TBCE: variants seen among roughly 807,000 people sequenced by gnomAD.
TBCE encodes tubulin-specific chaperone E.
Under a neutral mutation model 77.0 loss-of-function variants are expected in TBCE, and 53 were observed. The ratio of observed to expected loss-of-function variants is 0.69; its 90% CI spans 0.55 to 0.87. The LOEUF is 0.87. TBCE is among the 40% of genes least tolerant of loss of function. TBCE has a pLI of 0.00. For missense variants in TBCE, 624 were observed against 622.4 expected (o/e 1.00, Z -0.03); for synonymous variants, 235 against 241.3 (o/e 0.97, Z 0.24).
At chr1:235,375,228 T>C (rs1281797648) in intron 1 of TBCE, among the ~76,000 whole-genome samples, 1 of 151,168 alleles carries the variant, frequency 6.6e-6, no homozygotes. Flanking sequence ...CCTAGAGATG[T>C]AGATTTCATC....
At chr1:235,393,470 G>A (rs1678526468) in intron 2 of TBCE, among the ~76,000 whole-genome samples, 1 of 152,128 alleles carries the variant, frequency 6.6e-6, no homozygotes, top group Non-Finnish European at 1.5e-5. Flanking sequence ...CCCAGGAGGT[G>A]GAGGTTGCGG....
rs1049709680 is a variant in TBCE, at chr1:235,429,653, C to T, written c.561-1052C>T. 8 of 151,862 alleles carry T rather than the reference C, an allele frequency of 5.3e-5. No homozygotes were observed. The East Asian group carries it at 1.3e-3, about 26-fold the overall frequency. 9.4% of individuals were successfully genotyped at this position (151,862 alleles called of 1,614,324 possible). On this transcript the variant is annotated intron_variant, in intron 6 of 16. Coordinates refer to ENST00000642610, the MANE Select transcript of TBCE (RefSeq NM_003193.5). ...TTTACTAATGTCACACTTTTCTAGG[C>T]CTTCCTGAATATTTAATTTGTTTTA...
chr1:235,398,396 T>G (rs989371487), intron 2 of TBCE, among the ~76,000 whole-genome samples: 1 of 152,016 alleles, frequency 6.6e-6, no homozygotes, highest in Admixed American at 6.6e-5. Flanking sequence ...TCCACCTGAC[T>G]TGGCCTCCAT....
intron 7 of TBCE, chr1:235,433,106 A>G: frequency 6.6e-7 from 1 of 1,516,700 alleles, no homozygotes; most frequent in Non-Finnish European, 8.8e-7. Flanking sequence ...AAGGCCAGTG[A>G]GGTCACGGGC....
chr1:235,403,398 G>A (rs761090165), intron 3 of TBCE, among the ~76,000 whole-genome samples: 2 of 152,022 alleles, frequency 1.3e-5, no homozygotes, highest in African/African-American at 4.8e-5. Flanking sequence ...TAGTAGAGAC[G>A]GGGATTTCAC....
At chr1:235,447,610 A>G (rs1159461185) in intron 15 of TBCE, among the ~76,000 whole-genome samples, 1 of 152,218 alleles carries the variant, frequency 6.6e-6, no homozygotes. Context: ...AACTAAGGCC[A>G]GAGTTGAGAG....
rs754505559 is a variant in TBCE at position 235,401,598 on chromosome 1, A to G, written c.185+11A>G. Reference sequence around the variant, plus strand: ...GTATTTTAAATGCAGGTAACTTTTCATTATGAATCAGCACGGTCATTTAGT... The same window carrying G: ...GTATTTTAAATGCAGGTAACTTTTCGTTATGAATCAGCACGGTCATTTAGT... On this transcript the variant is annotated intron_variant, in intron 3 of 16. Transcript: ENST00000642610. 1 of 1,604,134 alleles carries G rather than the reference A, an allele frequency of 6.2e-7. No individual in the cohort carries two copies. Among genetic ancestry groups the G allele is most frequent in the Non-Finnish European group, 8.5e-7 (1 of 1,171,180 alleles).
intron 1 of TBCE, among the ~76,000 whole-genome samples, chr1:235,370,249 ATTC>A (rs1676824220): frequency 1.5e-5 from 2 of 134,874 alleles, no homozygotes; most frequent in South Asian, 2.2e-4. Context: ...TTACTGCTGT[ATTC>A]TTTTTTTTTT....
At chr1:235,383,318 T>G (rs1211809600) in intron 2 of TBCE, among the ~76,000 whole-genome samples, 1 of 152,180 alleles carries the variant, frequency 6.6e-6, no homozygotes, top group Non-Finnish European at 1.5e-5. Flanking sequence ...TGGTTCTATA[T>G]GAACTTTAAA....
chr1:235,410,392 A>T (rs1318317916), intron 3 of TBCE, among the ~76,000 whole-genome samples: 2 of 152,120 alleles, frequency 1.3e-5, no homozygotes, highest in East Asian at 3.9e-4. Context: ...TTTTAAGACC[A>T]TGTAGGGTAA....
chr1:235,383,543 GT>G (rs1677814817), intron 2 of TBCE, among the ~76,000 whole-genome samples: 1 of 152,112 alleles, frequency 6.6e-6, no homozygotes, highest in Admixed American at 6.6e-5. Flanking sequence ...TCCCTTGTAA[GT>G]TGGATTCCTA....
chr1:235,413,284 C>G (rs138988050), intron 3 of TBCE, among the ~76,000 whole-genome samples: 159 of 151,922 alleles, frequency 1.0e-3, no homozygotes, highest in African/African-American at 3.7e-3. Flanking sequence ...TGCCTGAGCC[C>G]TGGGAATTGG....
At chr1:235,442,008 ATT>A (rs376999568) in intron 14 of TBCE, 126 bp downstream of exon 14, 4,567 of 581,160 alleles carry the variant, frequency 7.9e-3, no homozygotes, top group Middle Eastern at 0.013. Flanking sequence ...TTAAATGAAA[ATT>A]TTTTTTTTTT....
At chr1:235,403,237 C>T (rs928558742) in intron 3 of TBCE, among the ~76,000 whole-genome samples, 2 of 152,084 alleles carry the variant, frequency 1.3e-5, no homozygotes, top group Non-Finnish European at 2.9e-5. Flanking sequence ...GATGTAGTCT[C>T]ACTCTGTGGC....
intron 2 of TBCE, among the ~76,000 whole-genome samples, chr1:235,398,587 C>T (rs1678887345): frequency 6.8e-6 from 1 of 147,800 alleles, no homozygotes; most frequent in African/African-American, 2.5e-5. Context: ...TTTCTCCCTT[C>T]ATTGGATGAC....
At chr1:235,442,009 T>TC (rs1348242914) in intron 14 of TBCE, 127 bp downstream of exon 14, 73 of 220,486 alleles carry the variant, frequency 3.3e-4, no homozygotes, top group Non-Finnish European at 5.4e-4. Flanking sequence ...TAAATGAAAA[T>TC]TTTTTTTTTT....
In TBCE at chr1:235,372,781, G is replaced by A. The variant is rs181663320; in HGVS notation, c.-32+5277G>A. 8.3e-3 allele frequency among the ~76,000 whole-genome samples: 1,263 copies of A among 151,930 alleles called. 14 individuals carry two copies. The highest frequency in any genetic ancestry group is 0.029 in the African/African-American group (1,222 of 41,474). On this transcript the variant is annotated intron_variant, in intron 1 of 16. Coordinates refer to ENST00000642610, the MANE Select transcript of TBCE (RefSeq NM_003193.5). Reference sequence around the variant, plus strand: ...CTACTAAAAATACAAAAAATTAGCCGGGCGTGGTGGTGGGTGCCTGTAGTC... The same window carrying A: ...CTACTAAAAATACAAAAAATTAGCCAGGCGTGGTGGTGGGTGCCTGTAGTC...
At chr1:235,441,560 G>T in intron 13 of TBCE, 1 of 518,260 alleles carries the variant, frequency 1.9e-6, no homozygotes. Flanking sequence ...GTCTTTTGTT[G>T]AGTTTCACTG....
Position 235,441,966 on chromosome 1 carries a change from C to A in TBCE, c.1339+84C>A, listed in dbSNP as rs557260528. 5.0e-6 allele frequency: 6 copies of A among 1,199,124 alleles called. No individual in the cohort carries two copies. The Admixed American group carries it at 9.3e-5, about 19-fold the overall frequency. 74.3% of individuals were successfully genotyped at this position (1,199,124 alleles called of 1,614,324 possible). A position where few individuals can be genotyped will look rare whatever the true frequency, so the allele number is the denominator to read the frequency against. On this transcript the variant is annotated intron_variant, in intron 14 of 16. Transcript: ENST00000642610. ...TTAGTGTGTTTCTCTTAAGTGTGTACCTCTTAAGTACCTAAGTAAATGCCT... is the reference window on the plus strand; with the variant it reads ...TTAGTGTGTTTCTCTTAAGTGTGTAACTCTTAAGTACCTAAGTAAATGCCT...
Sources: gnomAD v4.1 joint callset for allele counts (sites outside exome capture counted in the v4.1 genomes callset) on GRCh38, gnomAD v4.1.1 for gene constraint, MANE v1.5 for transcripts, NCBI Gene and HGNC (gene_info 2026-07-23, HGNC 2026-07-21) for gene names.